Variants in MGLL observed in about 807,000 individuals in gnomAD.
MGLL encodes the protein monoglyceride lipase, also known as lysophospholipase homolog.
Under a neutral mutation model 29.1 loss-of-function variants are expected in MGLL, and 7 were observed. That is an observed-to-expected ratio of 0.24 (90% CI 0.14 to 0.45). MGLL has a LOEUF of 0.45. Among genes scored for constraint, MGLL ranks in the 20% least tolerant of loss-of-function variants. MGLL has a pLI of 0.99. For synonymous variants in MGLL, 148 were observed against 168.3 expected (o/e 0.88, Z 0.93); for missense variants, 356 against 413.6 (o/e 0.86, Z 1.21).
At chr3:127,741,898 G>A (rs11713938) in intron 3 of MGLL, among the ~76,000 whole-genome samples, 10,592 of 152,210 alleles carry the variant, frequency 0.07, 429 homozygotes, top group South Asian at 0.12. Flanking sequence ...TGCATCATTT[G>A]TACTCATGAC....
intron 2 of MGLL, among the ~76,000 whole-genome samples, chr3:127,806,054 T>C (rs2077559161): frequency 6.6e-6 from 1 of 152,240 alleles, no homozygotes; most frequent in Non-Finnish European, 1.5e-5. Flanking sequence ...TCAGTGGAGA[T>C]AGAGCCTGAC....
At chr3:127,775,662 C>T (rs1248150574) in intron 3 of MGLL, among the ~76,000 whole-genome samples, 3 of 152,182 alleles carry the variant, frequency 2.0e-5, no homozygotes, top group Non-Finnish European at 4.4e-5. Flanking sequence ...CACTGTTCAT[C>T]AGTTGAGGAT....
chr3:127,701,215 C>CCAAAAAAAAAAAAAA (rs2075475270), intron 6 of MGLL, among the ~76,000 whole-genome samples: 1 of 56,442 alleles, frequency 1.8e-5, no homozygotes, highest in African/African-American at 9.4e-5. Flanking sequence ...ACCCTGCCTC[C>CCAAAAAAAAAAAAAA]AAAAAAAAAA....
intron 5 of MGLL, chr3:127,711,097 C>A: frequency 4.1e-6 from 1 of 241,184 alleles, no homozygotes; most frequent in Non-Finnish European, 8.6e-6. Flanking sequence ...GCGGAAGGGC[C>A]CACAGGAGCC....
intron 3 of MGLL, among the ~76,000 whole-genome samples, chr3:127,750,259 G>A (rs541288953): frequency 6.6e-6 from 1 of 152,222 alleles, no homozygotes; most frequent in South Asian, 2.1e-4. Context: ...TGTGGAGAAG[G>A]CATCTGAGTG....
intron 3 of MGLL, among the ~76,000 whole-genome samples, chr3:127,774,512 C>T (rs889229423): frequency 1.3e-5 from 2 of 151,516 alleles, no homozygotes; most frequent in African/African-American, 4.8e-5. Context: ...AGTTCCTTCA[C>T]CTGAATGCTC....
chr3:127,764,952 T>C lies in MGLL; in HGVS notation c.262+16837A>G, dbSNP rs568778082. ...TTTACTGTAGATGAGAAAACTGAGATGCAGAGAGGTTAGTAACTTGCCCAG... is the reference window on the plus strand; with the variant it reads ...TTTACTGTAGATGAGAAAACTGAGACGCAGAGAGGTTAGTAACTTGCCCAG... On this transcript the variant is annotated intron_variant, in intron 3 of 7. Coordinates refer to ENST00000265052, the MANE Select transcript of MGLL (RefSeq NM_007283.7). 2.0e-5 allele frequency among the ~76,000 whole-genome samples: 3 copies of C among 152,312 alleles called. No homozygotes were observed. In the East Asian group the frequency reaches 5.8e-4, roughly 29 times the overall value.
intron 2 of MGLL, among the ~76,000 whole-genome samples, chr3:127,806,456 G>A (rs11924045): frequency 1.3e-5 from 2 of 151,996 alleles, no homozygotes; most frequent in African/African-American, 4.8e-5. Context: ...TGGGTGGAAG[G>A]GTGGATGAAT....
chr3:127,746,538 T>C (rs2076446682), intron 3 of MGLL, among the ~76,000 whole-genome samples: 1 of 152,086 alleles, frequency 6.6e-6, no homozygotes, highest in Non-Finnish European at 1.5e-5. Context: ...TGGTTTCTGT[T>C]TCATTTGGCT....
In MGLL at chr3:127,761,777, A is replaced by T. The variant is rs2076769676; in HGVS notation, c.262+20012T>A. The stretch of plus-strand genomic sequence containing the variant: ...TCATCGGCCGGGCCCTTGGGACCCC[A>T]GCTCTTCAGGGAGGGACTCCAGGCA... On this transcript the variant is annotated intron_variant, in intron 3 of 7. Coordinates refer to ENST00000265052, the MANE Select transcript of MGLL (RefSeq NM_007283.7). The surrounding 1 kb of genome is among the most constrained non-coding windows in gnomAD (Gnocchi z 4.6). Among the ~76,000 whole-genome samples, 1 of 152,180 alleles carries T rather than the reference A, an allele frequency of 6.6e-6. No individual in the cohort carries two copies. Among genetic ancestry groups the T allele is most frequent in the Admixed American group, 6.5e-5 (1 of 15,280 alleles).
intron 3 of MGLL, among the ~76,000 whole-genome samples, chr3:127,780,155 G>A (rs2107707300): frequency 6.6e-6 from 1 of 152,286 alleles, no homozygotes; most frequent in Middle Eastern, 3.4e-3. Context: ...AAAAAAGGAG[G>A]CTTTTAAAAT....
intron 6 of MGLL, 89 bp from the exon 7 acceptor site, chr3:127,695,279 C>G: frequency 7.3e-7 from 1 of 1,361,968 alleles, no homozygotes; most frequent in Non-Finnish European, 1.0e-6. Flanking sequence ...TCCTTCTGCT[C>G]TGGCCTGAAG....
At chr3:127,771,966 A>G (rs1221583857) in intron 3 of MGLL, among the ~76,000 whole-genome samples, 1 of 152,174 alleles carries the variant, frequency 6.6e-6, no homozygotes, top group East Asian at 1.9e-4. Flanking sequence ...TCAACACAAC[A>G]GTGGTGCAAT....
At chr3:127,798,274 G>A (rs1213815032) in intron 2 of MGLL, among the ~76,000 whole-genome samples, 2 of 152,186 alleles carry the variant, frequency 1.3e-5, no homozygotes, top group African/African-American at 4.8e-5. Flanking sequence ...GCCTGTTCAG[G>A]TTCTCTATGC....
intron 7 of MGLL, among the ~76,000 whole-genome samples, chr3:127,694,270 A>AG (rs2075303887): frequency 1.4e-5 from 1 of 69,390 alleles, no homozygotes; most frequent in Non-Finnish European, 2.9e-5. Context: ...ACTCTGTCTG[A>AG]AAAAAAAAAA....
intron 3 of MGLL, among the ~76,000 whole-genome samples, chr3:127,739,129 T>C (rs1168735812): frequency 6.6e-6 from 1 of 152,228 alleles, no homozygotes; most frequent in African/African-American, 2.4e-5. Context: ...AAGGGAGCTA[T>C]CTGGGAAAAA....
chr3:127,723,448 G>A (rs2075971856), intron 3 of MGLL, among the ~76,000 whole-genome samples: 1 of 152,128 alleles, frequency 6.6e-6, no homozygotes, highest in Non-Finnish European at 1.5e-5. Context: ...GTCACCACCT[G>A]GAACTGACAG....
chr3:127,822,110 C>T, intron 1 of MGLL, 199 bp downstream of exon 1: 1 of 686,488 alleles, frequency 1.5e-6, no homozygotes, highest in Non-Finnish European at 2.4e-6. Context: ...TAAATCATTT[C>T]AGGAAACTTC....
intron 2 of MGLL, among the ~76,000 whole-genome samples, chr3:127,795,472 T>C (rs972254468): frequency 3.9e-5 from 6 of 152,034 alleles, no homozygotes; most frequent in Admixed American, 6.5e-5. Context: ...GGTGATGGGA[T>C]CAGTCATACC....
Sources: allele counts gnomAD v4.1 joint callset (sites outside exome capture counted in the v4.1 genomes callset), GRCh38; gene constraint gnomAD v4.1.1; non-coding constraint Gnocchi (gnomAD v3.1); transcripts MANE v1.5; gene names NCBI Gene and HGNC (gene_info 2026-07-23, HGNC 2026-07-21).